Variants in TMCC1 observed in about 807,000 individuals in gnomAD.
TMCC1 encodes transmembrane and coiled-coil domains protein 1.
A neutral mutation model predicts 52.4 loss-of-function variants in TMCC1; 15 were observed. The ratio of observed to expected loss-of-function variants is 0.29; its 90% CI spans 0.19 to 0.44. The LOEUF is 0.44. TMCC1 is among the 20% of genes least tolerant of loss of function. The pLI is 1.00. For synonymous variants in TMCC1, 279 were observed against 301.9 expected, an observed-to-expected ratio of 0.92 and a Z score of 0.79; for missense variants, 503 against 806.0, an observed-to-expected ratio of 0.62 and a Z score of 4.55.
chr3:129,851,020 G>A (rs1404413881), intron 2 of TMCC1, among the ~76,000 whole-genome samples: 1 of 152,216 alleles, frequency 6.6e-6, no homozygotes, highest in East Asian at 1.9e-4. Flanking sequence ...TGGGCATTAT[G>A]GCCATCATGA....
chr3:129,679,698 C>T (rs1000171972), intron 4 of TMCC1, among the ~76,000 whole-genome samples: 2 of 152,140 alleles, frequency 1.3e-5, no homozygotes, highest in Non-Finnish European at 2.9e-5. Context: ...TACCTTTTGA[C>T]ATGTATTTTT....
intron 2 of TMCC1, among the ~76,000 whole-genome samples, chr3:129,871,365 CAAAAAAA>C (rs908333351): frequency 8.0e-5 from 4 of 49,828 alleles, no homozygotes; most frequent in African/African-American, 3.0e-4. Context: ...GACGCTGTCT[CAAAAAAA>C]AAAAAAAAAA....
At chr3:129,719,640 C>T (rs1488434813) in intron 4 of TMCC1, among the ~76,000 whole-genome samples, 2 of 152,116 alleles carry the variant, frequency 1.3e-5, no homozygotes, top group Non-Finnish European at 2.9e-5. Flanking sequence ...AAAGGATACC[C>T]AGCTGGTGTC....
intron 4 of TMCC1, among the ~76,000 whole-genome samples, chr3:129,712,853 GT>G (rs1303790676): frequency 2.6e-5 from 4 of 152,066 alleles, no homozygotes; most frequent in Non-Finnish European, 5.9e-5. Flanking sequence ...AAACATTCTT[GT>G]TTTATAGATG....
intron 4 of TMCC1, among the ~76,000 whole-genome samples, chr3:129,772,193 C>T (rs533919315): frequency 5.5e-4 from 83 of 152,036 alleles, no homozygotes; most frequent in Non-Finnish European, 1.0e-3. Context: ...CTCTTCTCTA[C>T]AAAAAATAAA....
rs1161344716 is a variant in TMCC1, at chr3:129,670,437, C to T, written c.1404G>A (p.Glu468=). ...CTAGTCTGGCCTGGGTTTCCCGGAT[C>T]TCCTGGATCTCATGTAGTAGTGCAT... ...GFDALLHEIQ[E]IRETQARLEE... Residue 468 remains glutamate (E), a synonymous_variant, in exon 5 of 7, where the codon GAG becomes GAA. Transcript: ENST00000393238. The T allele has an allele frequency of 6.2e-7, 1 of 1,614,228 alleles. No individual in the cohort carries two copies. Among genetic ancestry groups the T allele is most frequent in the Non-Finnish European group, 8.5e-7 (1 of 1,180,036 alleles).
chr3:129,791,088 ATTTTTT>A (rs34048545), intron 4 of TMCC1, among the ~76,000 whole-genome samples: 6 of 82,974 alleles, frequency 7.2e-5, no homozygotes, highest in African/African-American at 2.0e-4. Flanking sequence ...ACACTCCATA[ATTTTTT>A]TTTTTTTTTT....
Position 129,651,852 on chromosome 3 carries a change from T to C in TMCC1, c.1648-57A>G. The C allele has an allele frequency of 6.5e-7, 1 of 1,550,060 alleles. No homozygotes were observed. Among genetic ancestry groups the C allele is most frequent in the Non-Finnish European group, 8.7e-7 (1 of 1,149,798 alleles). ...TCTGCTCACAAGTATTCTGAGATGC[T>C]GACATGCCCCCTGGGCAAGCCAGAT... On this transcript the variant is annotated intron_variant, in intron 6 of 6. Coordinates refer to ENST00000393238, the MANE Select transcript of TMCC1 (RefSeq NM_001017395.5). This position sits in a 1 kb window ranked among gnomAD's most constrained non-coding sequence, Gnocchi z 5.1.
intron 4 of TMCC1, among the ~76,000 whole-genome samples, chr3:129,710,448 C>A (rs573461627): frequency 1.3e-5 from 2 of 152,192 alleles, no homozygotes; most frequent in East Asian, 3.9e-4. Flanking sequence ...CAGGTGCAAG[C>A]AAGTGTGCCC....
chr3:129,787,583 G>A (rs1447629064), intron 4 of TMCC1, among the ~76,000 whole-genome samples: 1 of 152,074 alleles, frequency 6.6e-6, no homozygotes, highest in East Asian at 1.9e-4. Flanking sequence ...TCTAATGTAA[G>A]CCAAAATGAT....
At chr3:129,846,394 C>T (rs1303414252) in intron 2 of TMCC1, among the ~76,000 whole-genome samples, 2 of 152,204 alleles carry the variant, frequency 1.3e-5, no homozygotes. Context: ...TTAAAAACAT[C>T]TCCCATTTAT....
At chr3:129,678,522 G>A (rs748364212) in intron 4 of TMCC1, among the ~76,000 whole-genome samples, 11 of 151,214 alleles carry the variant, frequency 7.3e-5, no homozygotes, top group African/African-American at 2.2e-4. Context: ...CACCATGCCC[G>A]GCTAATTTTT....
chr3:129,749,670 T>C (rs2052319965), intron 4 of TMCC1, among the ~76,000 whole-genome samples: 1 of 152,198 alleles, frequency 6.6e-6, no homozygotes, highest in East Asian at 1.9e-4. Flanking sequence ...AAGTTTGATA[T>C]CTAGATTCTA....
intron 4 of TMCC1, among the ~76,000 whole-genome samples, chr3:129,823,356 T>C (rs928017251): frequency 6.6e-6 from 1 of 152,146 alleles, no homozygotes; most frequent in Non-Finnish European, 1.5e-5. Flanking sequence ...TAACATTTTA[T>C]ATATTTAAAA....
chr3:129,814,194 G>C (rs1223267334), intron 4 of TMCC1, among the ~76,000 whole-genome samples: 2 of 152,048 alleles, frequency 1.3e-5, no homozygotes, highest in Non-Finnish European at 2.9e-5. Context: ...CAATTTCCCA[G>C]TGTACTCCTG....
chr3:129,822,264 C>T (rs2058457747), intron 4 of TMCC1, among the ~76,000 whole-genome samples: 1 of 151,958 alleles, frequency 6.6e-6, no homozygotes, highest in African/African-American at 2.4e-5. Context: ...AAAATGATGG[C>T]AAAAGTTGTT....
intron 2 of TMCC1, among the ~76,000 whole-genome samples, chr3:129,878,269 C>A (rs1378418891): frequency 9.9e-5 from 15 of 152,088 alleles, no homozygotes; most frequent in Non-Finnish European, 2.2e-4. Flanking sequence ...TGGCCAACAT[C>A]TCTAAGTCTT....
chr3:129,838,751 T>TAAAAAAAAA, intron 2 of TMCC1, among the ~76,000 whole-genome samples: 1 of 31,680 alleles, frequency 3.2e-5, no homozygotes. Flanking sequence ...AGACTCTGTC[T>TAAAAAAAAA]CAAAAAAAAA....
At chr3:129,794,508 C>T in intron 4 of TMCC1, 1 of 329,594 alleles carries the variant, frequency 3.0e-6, no homozygotes, top group Non-Finnish European at 5.8e-6. Context: ...CTTGGAAAGC[C>T]TTCATTGTTC....
Sources: allele counts gnomAD v4.1 joint callset (sites outside exome capture counted in the v4.1 genomes callset), GRCh38; gene constraint gnomAD v4.1.1; non-coding constraint Gnocchi (gnomAD v3.1); transcripts MANE v1.5; gene names NCBI Gene and HGNC (gene_info 2026-07-23, HGNC 2026-07-21).